YTHDC2: variants seen among roughly 807,000 people sequenced by gnomAD.
YTHDC2 encodes the protein YTH N6-methyladenosine RNA binding protein C2, also known as 3'-5' RNA helicase YTHDC2.
A neutral mutation model predicts 174.9 loss-of-function variants in YTHDC2; 45 were observed. That is an observed-to-expected ratio of 0.26 (90% confidence interval 0.20 to 0.33). The LOEUF (loss-of-function observed/expected upper bound fraction) is 0.33. Ranked by LOEUF, YTHDC2 falls within the 10% of genes least tolerant of loss-of-function variation. The pLI, the probability that YTHDC2 is intolerant of heterozygous loss-of-function variation, is 1.00. For missense variants in YTHDC2, 1,650 were observed against 1,723.7 expected, an observed-to-expected ratio of 0.96 and a Z score of 0.76; for synonymous variants, 657 against 574.5, an observed-to-expected ratio of 1.14 and a Z score of -2.05.
At chr5:113,543,434 A>G (rs934415806) in intron 10 of YTHDC2, among the ~76,000 whole-genome samples, 3 of 152,210 alleles carry the variant, frequency 2.0e-5, no homozygotes, top group African/African-American at 4.8e-5. Flanking sequence ...AATCCTGAAT[A>G]TGACCACTTT....
rs1036820715 is a variant in YTHDC2, at chr5:113,594,018, C to T, written c.*544C>T. ...TAGTGTGTGCTAACTAAGGGCTATT[C>T]ATTCTGCCATTTTTAACTTGAGACA... On this transcript the variant is annotated 3_prime_UTR_variant, in exon 30 of 30. Coordinates refer to ENST00000161863, the MANE Select transcript of YTHDC2 (RefSeq NM_022828.5). 6.6e-6 allele frequency: 1 copy of T among 152,134 alleles called. No homozygotes were observed. The highest frequency in any genetic ancestry group is 1.5e-5 in the Non-Finnish European group (1 of 68,008). 9.4% of individuals were successfully genotyped at this position (152,134 alleles called of 1,614,324 possible).
intron 25 of YTHDC2, chr5:113,582,167 A>T (rs1397359063): frequency 6.6e-6 from 1 of 152,414 alleles, no homozygotes; most frequent in Admixed American, 6.5e-5. Flanking sequence ...AAAGTACTTC[A>T]CTCAGTGACA....
At chr5:113,515,988 T>A (rs1580460455) in intron 2 of YTHDC2, among the ~76,000 whole-genome samples, 1 of 151,898 alleles carries the variant, frequency 6.6e-6, no homozygotes, top group Non-Finnish European at 1.5e-5. Flanking sequence ...GAAGGCGGAG[T>A]TTTTCTTATG....
At chr5:113,533,069 T>A in intron 5 of YTHDC2, 24 bp downstream of exon 5, 1 of 1,610,836 alleles carries the variant, frequency 6.2e-7, no homozygotes, top group South Asian at 1.1e-5. Context: ...TCATGTATCT[T>A]CTCTTTTATC....
chr5:113,519,590 G>C (rs572501990), intron 2 of YTHDC2, among the ~76,000 whole-genome samples: 45 of 152,284 alleles, frequency 3.0e-4, no homozygotes, highest in Non-Finnish European at 5.7e-4. Flanking sequence ...TGCCTAACAG[G>C]TACCAAATAG....
At chr5:113,591,352 C>T (rs1778995433) in intron 27 of YTHDC2, 108 bp downstream of exon 27, 3 of 1,120,980 alleles carry the variant, frequency 2.7e-6, no homozygotes, top group East Asian at 2.4e-5. Context: ...GCAAGAATGC[C>T]TTTTGCTTGA....
chr5:113,571,958 GTC>G (rs1181987749), intron 23 of YTHDC2, among the ~76,000 whole-genome samples: 1 of 152,046 alleles, frequency 6.6e-6, no homozygotes, highest in Admixed American at 6.5e-5. Flanking sequence ...GGTTTTTCCT[GTC>G]TCTATCGCCT....
rs776900486 is a variant in YTHDC2 at position 113,553,206 on chromosome 5, G to C, written c.1714G>C (p.Asp572His). Residue 572 changes from aspartate to histidine, a missense_variant, in exon 13 of 30, where the codon GAT becomes CAT. By Grantham distance (81) the Asp-to-His change is moderately conservative. Around this residue, in one of 5 missense-constraint regions of YTHDC2, gnomAD observed 411 missense variants for 380.6 expected, o/e 1.08. Transcript: ENST00000161863. ...TGCTACACTGGAATTTGGAAATCTA[G>C]ATGAAAGTTCTCTGGTTCAAACAAA... ...YSATLEFGNLDESSLVQTNGS... is the reference protein window; with the variant it reads ...YSATLEFGNLHESSLVQTNGS... The C allele has an allele frequency of 1.5e-6, 2 of 1,345,338 alleles. No individual in the cohort carries two copies. Among genetic ancestry groups the C allele is most frequent in the African/African-American group, 1.8e-5 (1 of 56,946 alleles). The allele number at this position is 1,345,338 out of a possible 1,614,324, so 83.3% of individuals were successfully genotyped here.
intron 5 of YTHDC2, among the ~76,000 whole-genome samples, chr5:113,533,340 C>T (rs566596831): frequency 2.5e-3 from 352 of 142,348 alleles, no homozygotes; most frequent in Non-Finnish European, 4.2e-3. Context: ...GTCAGGAGTT[C>T]GAGACCAGCC....
Position 113,564,072 on chromosome 5 carries a change from A to G in YTHDC2, c.2656A>G (p.Arg886Gly), listed in dbSNP as rs1777182697. ...TCAAAAACGTGCAGCTATGCTTTGT[A>G]GGAAACGTTTTACTGCAGGAGCTTT... The part of the protein sequence containing the change: ...ASQKRAAMLC[R>G]KRFTAGAFSD... The change falls in exon 20 of 30, where the codon AGG (arginine) becomes GGG (glycine). Residue 886 changes from arginine to glycine, a missense_variant. Coordinates refer to ENST00000161863, the MANE Select transcript of YTHDC2 (RefSeq NM_022828.5). The G allele has an allele frequency of 3.1e-6, 5 of 1,614,164 alleles. No homozygotes were observed. The highest frequency in any genetic ancestry group is 4.2e-6 in the Non-Finnish European group (5 of 1,180,016).
At chr5:113,577,206 A>G (rs1389826211) in intron 23 of YTHDC2, among the ~76,000 whole-genome samples, 1 of 151,826 alleles carries the variant, frequency 6.6e-6, no homozygotes, top group Non-Finnish European at 1.5e-5. Context: ...ATTTTTATTT[A>G]TTAATAAATT....
intron 24 of YTHDC2, among the ~76,000 whole-genome samples, chr5:113,580,115 C>G (rs1313855273): frequency 1.3e-5 from 2 of 152,058 alleles, no homozygotes; most frequent in Non-Finnish European, 2.9e-5. Flanking sequence ...CATGAACTCC[C>G]TCCATCAAGC....
chr5:113,575,625 G>A (rs559170187), intron 23 of YTHDC2, among the ~76,000 whole-genome samples: 1 of 152,278 alleles, frequency 6.6e-6, no homozygotes, highest in South Asian at 2.1e-4. Flanking sequence ...TGATTGGAGT[G>A]CACTGGTCAA....
intron 2 of YTHDC2, among the ~76,000 whole-genome samples, chr5:113,522,818 G>A (rs1773970763): frequency 6.6e-6 from 1 of 152,096 alleles, no homozygotes; most frequent in African/African-American, 2.4e-5. Context: ...GGTGCTGACT[G>A]TGGTAGGAAT....
Position 113,561,177 on chromosome 5 carries a change from C to T in YTHDC2, c.2314C>T (p.Pro772Ser). Reference protein sequence around the residue: ...EFQTPELLRMPLQELCLHTKL... With the variant: ...EFQTPELLRMSLQELCLHTKL... ...TCAGACTCCGGAACTTTTGAGAATG[C>T]CATTACAGGTAAAAATTTATTTAAA... Residue 772 changes from proline to serine, a missense_variant, in exon 18 of 30, where the codon CCA (proline) becomes TCA (serine). Pro to Ser is a moderately conservative substitution (Grantham distance 74). Coordinates refer to ENST00000161863, the MANE Select transcript of YTHDC2 (RefSeq NM_022828.5). 3 of 1,611,036 alleles carry T rather than the reference C, an allele frequency of 1.9e-6. No homozygotes were observed. The South Asian group carries it at 3.3e-5, about 18-fold the overall frequency.
chr5:113,593,096 A>G, intron 28 of YTHDC2: 1 of 373,670 alleles, frequency 2.7e-6, no homozygotes, highest in Non-Finnish European at 4.9e-6. Flanking sequence ...GATTTTGCAG[A>G]TTAACTGTAA....
At position 113,533,017 on chromosome 5, in the gene YTHDC2, A is replaced by C. The variant is rs538811566; in HGVS notation, c.814A>C (p.Ile272Leu). The C allele has an allele frequency of 1.2e-6, 2 of 1,614,166 alleles. No individual in the cohort carries two copies. Among genetic ancestry groups the C allele is most frequent in the Non-Finnish European group, 1.7e-6 (2 of 1,180,020 alleles). ...AERRERIGQT[I>L]GYQIRLESRV... ...GAGACGGGAAAGGATTGGTCAAACA[A>C]TTGGTTATCAGATCCGATTAGAAAG... Residue 272 changes from isoleucine (I) to leucine (L), a missense_variant, in exon 5 of 30, where the codon ATT becomes CTT. By Grantham distance (5) the Ile-to-Leu change is conservative (BLOSUM62 2). Coordinates refer to ENST00000161863, the MANE Select transcript of YTHDC2 (RefSeq NM_022828.5).
At chr5:113,569,447 G>A (rs1378171864) in intron 23 of YTHDC2, among the ~76,000 whole-genome samples, 1 of 152,116 alleles carries the variant, frequency 6.6e-6, no homozygotes, top group East Asian at 1.9e-4. Context: ...GTATTGCCTA[G>A]ATTTTCTTCG....
chr5:113,524,147 A>T (rs1396183909), intron 2 of YTHDC2, among the ~76,000 whole-genome samples: 2 of 152,160 alleles, frequency 1.3e-5, no homozygotes, highest in East Asian at 3.9e-4. Flanking sequence ...AAGTGGTAGA[A>T]GTGGGATTCA....
Sources: gnomAD v4.1 joint callset for allele counts (sites outside exome capture counted in the v4.1 genomes callset) on GRCh38, gnomAD v4.1.1 for gene constraint, gnomAD v4.1.1 regional missense constraint, MANE v1.5 for transcripts, NCBI Gene and HGNC (gene_info 2026-07-23, HGNC 2026-07-21) for gene names.